ANO4: variants seen among roughly 807,000 people sequenced by gnomAD.
The protein encoded by ANO4 is anoctamin 4, also known as anoctamin-4.
A neutral mutation model predicts 141.9 loss-of-function variants in ANO4; 69 were observed. That is an observed-to-expected ratio of 0.49 (90% confidence interval 0.40 to 0.59). The LOEUF is 0.59. Ranked by LOEUF, ANO4 falls within the 20% of genes least tolerant of loss-of-function variation. The pLI is 0.00. For synonymous variants in ANO4, 350 were observed against 394.3 expected (o/e 0.89, Z 1.33); for missense variants, 894 against 1,162.2 (o/e 0.77, Z 3.36).
chr12:101,066,858 G>T (rs2048611031), intron 14 of ANO4: 1 of 1,275,492 alleles, frequency 7.8e-7, no homozygotes, highest in Non-Finnish European at 1.1e-6. Flanking sequence ...CTCAGTGAGA[G>T]AGATAAGGTC....
intron 9 of ANO4, among the ~76,000 whole-genome samples, chr12:101,028,501 A>G (rs1444538215): frequency 6.6e-6 from 1 of 152,218 alleles, no homozygotes; most frequent in Non-Finnish European, 1.5e-5. Context: ...ATGGAGCTGA[A>G]AAACACAGCA....
rs148929591 is a variant in ANO4 at position 100,785,639 on chromosome 12, T to C, written c.358+45534T>C. On this transcript the variant is annotated intron_variant, in intron 3 of 29. Transcript: ENST00000644049. Reference sequence around the variant, plus strand: ...GGATATACCACAGTTTTATTTTTCATTCCTCTACAGAAGGACATCTTGGTT... The same window carrying C: ...GGATATACCACAGTTTTATTTTTCACTCCTCTACAGAAGGACATCTTGGTT... Among the ~76,000 whole-genome samples the C allele has an allele frequency of 1.1e-4, 16 of 152,328 alleles. No homozygotes were observed. In the East Asian group the frequency reaches 2.3e-3, roughly 22 times the overall value.
intron 14 of ANO4, among the ~76,000 whole-genome samples, chr12:101,072,804 A>G (rs762227100): frequency 2.6e-5 from 4 of 152,218 alleles, no homozygotes; most frequent in African/African-American, 4.8e-5. Flanking sequence ...AAAAGAAGAC[A>G]TTTATGCAGC....
At chr12:100,919,726 G>A (rs200706018) in intron 2 of ANO4, among the ~76,000 whole-genome samples, 9,763 of 131,742 alleles carry the variant, frequency 0.074, 582 homozygotes, top group African/African-American at 0.13. Context: ...GTATGTATGT[G>A]TGTATGTATG....
chr12:101,068,564 A>G, intron 14 of ANO4: 1 of 1,373,690 alleles, frequency 7.3e-7, no homozygotes, highest in Non-Finnish European at 1.0e-6. Context: ...TACTAAAGAG[A>G]TGTTTGGTGG....
chr12:101,013,111 G>A (rs1227954613), intron 8 of ANO4, among the ~76,000 whole-genome samples: 2 of 152,120 alleles, frequency 1.3e-5, no homozygotes, highest in Non-Finnish European at 2.9e-5. Context: ...ACCCAGCAGT[G>A]CCCTTTTTTA....
chr12:100,720,300 G>C (rs1325005174), intron 1 of ANO4, among the ~76,000 whole-genome samples: 1 of 152,124 alleles, frequency 6.6e-6, no homozygotes, highest in East Asian at 1.9e-4. Flanking sequence ...AGTGATGGCT[G>C]TTTCATATAG....
At chr12:101,099,766 C>T in intron 22 of ANO4, 46 bp downstream of exon 22, 1 of 1,445,972 alleles carries the variant, frequency 6.9e-7, no homozygotes, top group African/African-American at 1.5e-5. Flanking sequence ...AATTTTAGAT[C>T]TCCAGGTATA....
chr12:100,940,005 A>G (rs1306002233), intron 4 of ANO4, among the ~76,000 whole-genome samples: 2 of 152,118 alleles, frequency 1.3e-5, no homozygotes, highest in Admixed American at 6.6e-5. Flanking sequence ...TTGTACATGT[A>G]CTGGGTACAG....
intron 2 of ANO4, among the ~76,000 whole-genome samples, chr12:100,915,078 C>G (rs988153441): frequency 6.6e-6 from 1 of 152,126 alleles, no homozygotes; most frequent in African/African-American, 2.4e-5. Context: ...GGCTCAGCCT[C>G]CTGCAGCTCT....
intron 1 of ANO4, among the ~76,000 whole-genome samples, chr12:100,839,564 C>A (rs10735372): frequency 0.83 from 125,993 of 152,064 alleles, 52,224 homozygotes; most frequent in Admixed American, 0.87. Flanking sequence ...TTTTTCATTC[C>A]CAGTACATAT....
intron 3 of ANO4, among the ~76,000 whole-genome samples, chr12:100,753,191 C>T (rs937840313): frequency 6.6e-6 from 1 of 152,170 alleles, no homozygotes; most frequent in African/African-American, 2.4e-5. Flanking sequence ...CAAAGCCATG[C>T]CACATGGATG....
intron 14 of ANO4, among the ~76,000 whole-genome samples, chr12:101,067,551 C>T (rs1209247740): frequency 1.3e-5 from 2 of 152,152 alleles, no homozygotes; most frequent in African/African-American, 4.8e-5. Context: ...AGCATGGTGG[C>T]ACATACCTGT....
intron 1 of ANO4, among the ~76,000 whole-genome samples, chr12:100,813,513 G>A (rs1301127823): frequency 2.6e-5 from 4 of 152,124 alleles, no homozygotes; most frequent in Admixed American, 2.0e-4. Flanking sequence ...ATAGTGCATT[G>A]TGCAGGGGTG....
At chr12:101,001,807 G>C (rs2036503) in intron 8 of ANO4, among the ~76,000 whole-genome samples, 22,495 of 152,120 alleles carry the variant, frequency 0.15, 1,979 homozygotes, top group East Asian at 0.24. Flanking sequence ...CTGGGGAGAA[G>C]GAGTTGTTAA....
chr12:100,905,765 T>A (rs548185552), intron 2 of ANO4, among the ~76,000 whole-genome samples: 1 of 152,120 alleles, frequency 6.6e-6, no homozygotes, highest in African/African-American at 2.4e-5. Flanking sequence ...AGCAGATAAT[T>A]TATGGTGTTC....
chr12:101,124,386 T>C (rs540439897), intron 26 of ANO4, among the ~76,000 whole-genome samples: 5 of 152,224 alleles, frequency 3.3e-5, no homozygotes, highest in Non-Finnish European at 7.3e-5. Context: ...GTTAGATGGA[T>C]AGATTACAAA....
At chr12:100,959,510 C>T (rs1238581139) in intron 5 of ANO4, among the ~76,000 whole-genome samples, 1 of 152,150 alleles carries the variant, frequency 6.6e-6, no homozygotes, top group Non-Finnish European at 1.5e-5. Flanking sequence ...CCTCACCTAC[C>T]ATTCTGTTTT....
At chr12:101,053,543 G>A (rs2047962275) in intron 14 of ANO4, among the ~76,000 whole-genome samples, 1 of 152,192 alleles carries the variant, frequency 6.6e-6, no homozygotes, top group South Asian at 2.1e-4. Context: ...GGTGATGGCT[G>A]ATGGTCCTTG....
Sources: allele counts gnomAD v4.1 joint callset (sites outside exome capture counted in the v4.1 genomes callset), GRCh38; gene constraint gnomAD v4.1.1; transcripts MANE v1.5; gene names NCBI Gene and HGNC (gene_info 2026-07-23, HGNC 2026-07-21).